Variants in SAMTOR observed in about 807,000 individuals in gnomAD.
SAMTOR encodes UPF0532 protein C7orf60.
At chr7:112,825,141 G>A in the SAMTOR span, among the ~76,000 whole-genome samples, 2 of 151,734 alleles carry the variant, frequency 1.3e-5, no homozygotes, top group Admixed American at 1.3e-4. Context: ...CCCACCTCAG[G>A]CTCCTGAGTA....
chr7:112,872,690 T>C, the SAMTOR span, among the ~76,000 whole-genome samples: 3 of 151,882 alleles, frequency 2.0e-5, no homozygotes, highest in African/African-American at 7.2e-5. Context: ...GTCAATTATC[T>C]CTCTTCACTG....
chr7:112,861,488 G>A, the SAMTOR span, among the ~76,000 whole-genome samples: 27 of 152,148 alleles, frequency 1.8e-4, no homozygotes, highest in African/African-American at 6.5e-4. Context: ...TTGATAATAG[G>A]AGTATACATC....
At chr7:112,923,477 A>AAAATAAAT in the SAMTOR span, among the ~76,000 whole-genome samples, 17 of 152,238 alleles carry the variant, frequency 1.1e-4, no homozygotes, top group South Asian at 3.3e-3. Flanking sequence ...TGATCAATAA[A>AAAATAAAT]AAATAAATAA....
At chr7:112,896,157 T>G in the SAMTOR span, among the ~76,000 whole-genome samples, 1 of 152,266 alleles carries the variant, frequency 6.6e-6, no homozygotes, top group East Asian at 1.9e-4. Flanking sequence ...GAGGTCCCTC[T>G]GGGTTTATGA....
At chr7:112,897,017 A>C in the SAMTOR span, among the ~76,000 whole-genome samples, 47 of 152,244 alleles carry the variant, frequency 3.1e-4, no homozygotes, top group Non-Finnish European at 6.0e-4. Flanking sequence ...CAAATGAAAA[A>C]ACCCTGAGCC....
chr7:112,910,282 C>T, the SAMTOR span, among the ~76,000 whole-genome samples: 2 of 152,050 alleles, frequency 1.3e-5, no homozygotes, highest in Non-Finnish European at 2.9e-5. Flanking sequence ...ATACCAATTG[C>T]TTTCGTGAAA....
chr7:112,870,788 G>A, the SAMTOR span, among the ~76,000 whole-genome samples: 9 of 149,868 alleles, frequency 6.0e-5, no homozygotes, highest in Non-Finnish European at 1.2e-4. Context: ...CTGTCTTTGA[G>A]AGACCCATCT....
the SAMTOR span, among the ~76,000 whole-genome samples, chr7:112,831,955 C>T: frequency 1.3e-5 from 2 of 150,374 alleles, no homozygotes; most frequent in Admixed American, 1.3e-4. Context: ...CCAAATATAA[C>T]AAAATGCAAA....
chr7:112,923,338 T>C, the SAMTOR span, among the ~76,000 whole-genome samples: 1 of 151,956 alleles, frequency 6.6e-6, no homozygotes, highest in Non-Finnish European at 1.5e-5. Flanking sequence ...ACACAAACAC[T>C]GCGGAAGGCT....
At chr7:112,819,783 T>C in the SAMTOR span, 1 of 152,564 alleles carries the variant, frequency 6.6e-6, no homozygotes, top group South Asian at 2.1e-4. Flanking sequence ...GGTCATACTA[T>C]ACCAGCCTTT....
the SAMTOR span, among the ~76,000 whole-genome samples, chr7:112,923,783 G>C: frequency 2.6e-5 from 4 of 151,980 alleles, no homozygotes; most frequent in Non-Finnish European, 4.4e-5. Flanking sequence ...GCAAAGACTT[G>C]GAACCAACCC....
At chr7:112,928,652 A>T in the SAMTOR span, among the ~76,000 whole-genome samples, 6 of 152,018 alleles carry the variant, frequency 3.9e-5, no homozygotes, top group Non-Finnish European at 8.8e-5. Context: ...GATAAAATTC[A>T]AACTACAGAG....
chr7:112,927,843 A>T, the SAMTOR span, among the ~76,000 whole-genome samples: 1 of 152,054 alleles, frequency 6.6e-6, no homozygotes, highest in Admixed American at 6.6e-5. Flanking sequence ...CACCCATTTT[A>T]AAAAACAAAT....
the SAMTOR span, chr7:112,821,482 A>G: frequency 1.0e-5 from 3 of 286,848 alleles, no homozygotes; most frequent in Non-Finnish European, 1.9e-5. Flanking sequence ...TAAAGAGAAA[A>G]AGGTACCTTT....
chr7:112,827,825 G>A, the SAMTOR span, among the ~76,000 whole-genome samples: 5 of 152,056 alleles, frequency 3.3e-5, no homozygotes, highest in South Asian at 2.1e-4. Context: ...GGGCTCAAGC[G>A]ATCCTCCCAT....
the SAMTOR span, among the ~76,000 whole-genome samples, chr7:112,886,218 A>G: frequency 6.6e-6 from 1 of 152,202 alleles, no homozygotes; most frequent in Admixed American, 6.5e-5. Flanking sequence ...ATATAAGATG[A>G]CATTTGGGTG....
chr7:112,853,841 G>C, the SAMTOR span, among the ~76,000 whole-genome samples: 2 of 152,092 alleles, frequency 1.3e-5, no homozygotes, highest in Non-Finnish European at 2.9e-5. Context: ...AAAATACTTT[G>C]AAATCAATGA....
chr7:112,917,655 A>G, the SAMTOR span, among the ~76,000 whole-genome samples: 1 of 152,234 alleles, frequency 6.6e-6, no homozygotes, highest in Admixed American at 6.5e-5. Flanking sequence ...ACTCCGAGCT[A>G]AAGGAGAAAA....
chr7:112,889,638 C>A, the SAMTOR span, among the ~76,000 whole-genome samples: 107 of 152,160 alleles, frequency 7.0e-4, no homozygotes, highest in Non-Finnish European at 1.3e-3. Flanking sequence ...ATCCCTTCCA[C>A]GATTCAAGAA....
Sources: allele counts gnomAD v4.1 joint callset (sites outside exome capture counted in the v4.1 genomes callset), GRCh38; gene constraint gnomAD v4.1.1; transcripts MANE v1.5; gene names NCBI Gene and HGNC (gene_info 2026-07-23, HGNC 2026-07-21).